TTC7A: variants seen among roughly 807,000 people sequenced by gnomAD.
The protein encoded by TTC7A is tetratricopeptide repeat protein 7A.
Under a neutral mutation model 103.7 loss-of-function variants are expected in TTC7A, and 110 were observed. The ratio of observed to expected loss-of-function variants is 1.06; its 90% CI spans 0.91 to 1.24. The LOEUF is 1.24. Ranked by LOEUF, TTC7A falls within the 50% of genes most tolerant of loss-of-function variation. The pLI is 0.00. For missense variants in TTC7A, 1,340 were observed against 1,116.3 expected, an observed-to-expected ratio of 1.20 and a Z score of -2.86; for synonymous variants, 521 against 467.9, an observed-to-expected ratio of 1.11 and a Z score of -1.47.
At chr2:46,965,235 CT>C (rs1487848076) in intron 3 of TTC7A, among the ~76,000 whole-genome samples, 3 of 152,226 alleles carry the variant, frequency 2.0e-5, no homozygotes, top group African/African-American at 7.2e-5. Context: ...CTGATTAAAA[CT>C]TTTTAAAAAG....
intron 18 of TTC7A, chr2:47,054,033 A>G (rs1001244676): frequency 2.3e-6 from 2 of 878,450 alleles, no homozygotes; most frequent in African/African-American, 3.6e-5. Flanking sequence ...GTCAAGAGAA[A>G]CACATGCCTT....
intron 3 of TTC7A, among the ~76,000 whole-genome samples, chr2:46,960,360 C>T (rs1392998080): frequency 2.0e-5 from 3 of 152,220 alleles, no homozygotes; most frequent in African/African-American, 7.2e-5. Flanking sequence ...TCTTCATTTC[C>T]CCAGTACCAA....
intron 17 of TTC7A, 45 bp from the exon 18 acceptor site, chr2:47,051,701 G>T: frequency 6.4e-7 from 1 of 1,573,692 alleles, no homozygotes; most frequent in Non-Finnish European, 8.6e-7. Flanking sequence ...CCTGCAACGT[G>T]TGGACCTCTG....
intron 5 of TTC7A, among the ~76,000 whole-genome samples, chr2:46,984,428 T>C (rs1317526225): frequency 6.6e-6 from 1 of 152,196 alleles, no homozygotes; most frequent in Non-Finnish European, 1.5e-5. Context: ...CTTTCTCCCC[T>C]CTAAGATGGG....
At chr2:47,069,456 G>T (rs1192860942) in intron 19 of TTC7A, among the ~76,000 whole-genome samples, 3 of 152,146 alleles carry the variant, frequency 2.0e-5, no homozygotes, top group Non-Finnish European at 4.4e-5. Context: ...TGTGAGTCTG[G>T]GCTCTTCTCA....
At chr2:47,009,509 C>T (rs149097634) in intron 10 of TTC7A, among the ~76,000 whole-genome samples, 203 of 152,270 alleles carry the variant, frequency 1.3e-3, no homozygotes, top group African/African-American at 4.5e-3. Flanking sequence ...AAATCTATCA[C>T]GTCTGGGTTG....
At chr2:47,049,893 G>T in intron 16 of TTC7A, 56 bp from the exon 17 acceptor site, 3 of 1,342,456 alleles carry the variant, frequency 2.2e-6, no homozygotes. Flanking sequence ...ACCTCACTGG[G>T]CCCTGTGATG....
rs148901183 is a variant in TTC7A, at chr2:46,929,707, T to C, written c.82+12430T>C. ...AAGATTGAAAATTAATGAGCTGAGA[T>C]TGAATTGCAAAAAGCCAGAAAAATA... On this transcript the variant is annotated intron_variant, in intron 2 of 20. Transcript: ENST00000409245. Among the ~76,000 whole-genome samples, 18 of 152,210 alleles carry C rather than the reference T, an allele frequency of 1.2e-4. No homozygotes were observed. The East Asian group carries it at 2.9e-3, about 24-fold the overall frequency.
At position 46,994,474 on chromosome 2, in the gene TTC7A, A is replaced by G; in HGVS notation, c.961A>G (p.Thr321Ala). 3 of 1,614,018 alleles carry G rather than the reference A, an allele frequency of 1.9e-6. No homozygotes were observed. The highest frequency in any genetic ancestry group is 2.5e-6 in the Non-Finnish European group (3 of 1,179,984). ...FMGKEESSFATQALRKPHLYE... is the reference protein window; with the variant it reads ...FMGKEESSFAAQALRKPHLYE... ...GGGCAAGGAGGAGAGTTCTTTCGCC[A>G]CTCAGGCCCTGCGGAAACCTCACCT... Residue 321 changes from threonine (T) to alanine (A), a missense_variant, in exon 7 of 20, where the codon ACT (threonine) becomes GCT (alanine). Thr to Ala is a moderately conservative substitution (Grantham distance 58, BLOSUM62 0). Transcript: ENST00000319190.
intron 11 of TTC7A, among the ~76,000 whole-genome samples, chr2:47,019,268 CA>C (rs1454452369): frequency 1.3e-5 from 2 of 151,912 alleles, no homozygotes; most frequent in Non-Finnish European, 2.9e-5. Flanking sequence ...TGTGTTGGGT[CA>C]CACCTGTAAT....
chr2:46,998,688 A>T (rs1271791309), intron 8 of TTC7A, among the ~76,000 whole-genome samples: 1 of 152,214 alleles, frequency 6.6e-6, no homozygotes, highest in Admixed American at 6.5e-5. Flanking sequence ...AGGAGGCATC[A>T]TCATCATTGC....
intron 19 of TTC7A, among the ~76,000 whole-genome samples, chr2:47,064,010 C>A (rs567885744): frequency 5.1e-4 from 78 of 152,332 alleles, no homozygotes; most frequent in African/African-American, 1.9e-3. Flanking sequence ...AGAGCAGATT[C>A]TCTACTCTCC....
intron 6 of TTC7A, among the ~76,000 whole-genome samples, 157 bp downstream of exon 6, chr2:46,993,685 G>A (rs1186208636): frequency 2.0e-5 from 3 of 152,122 alleles, no homozygotes. Context: ...CCTTTCCCAC[G>A]CAGCCAGGGA....
intron 1 of TTC7A, among the ~76,000 whole-genome samples, chr2:46,949,322 G>A (rs1024714691): frequency 1.2e-4 from 18 of 150,532 alleles, no homozygotes; most frequent in African/African-American, 3.2e-4. Context: ...TGCAACCTCC[G>A]TCTCCCGAAT....
intron 3 of TTC7A, among the ~76,000 whole-genome samples, chr2:46,963,154 A>G (rs1000601625): frequency 1.3e-5 from 2 of 152,196 alleles, no homozygotes; most frequent in African/African-American, 4.8e-5. Context: ...AGGCCTTTCC[A>G]GCCTTGTCTC....
chr2:46,931,036 T>G (rs574939151), intron 2 of TTC7A, among the ~76,000 whole-genome samples: 11 of 152,318 alleles, frequency 7.2e-5, no homozygotes, highest in African/African-American at 2.6e-4. Flanking sequence ...ACAAAACATT[T>G]TATTAGCAAT....
chr2:46,916,091 G>T (rs6544939), upstream of TTC7A: 140,187 of 985,400 alleles, frequency 0.14, 15,546 homozygotes, highest in African/African-American at 0.55. Flanking sequence ...TAGTTCCACG[G>T]GCGACGTAGG....
intron 19 of TTC7A, among the ~76,000 whole-genome samples, chr2:47,073,187 C>A (rs1400713624): frequency 2.0e-5 from 3 of 152,232 alleles, no homozygotes; most frequent in Non-Finnish European, 4.4e-5. Flanking sequence ...TCCTCCGTCT[C>A]TCTGCGTCCC....
chr2:47,052,911 G>GA (rs34265989), intron 18 of TTC7A, among the ~76,000 whole-genome samples: 1 of 152,144 alleles, frequency 6.6e-6, no homozygotes, highest in Non-Finnish European at 1.5e-5. Context: ...AGAAGAAACC[G>GA]AAAGTTGATG....
Sources: allele counts gnomAD v4.1 joint callset (sites outside exome capture counted in the v4.1 genomes callset), GRCh38; gene constraint gnomAD v4.1.1; transcripts MANE v1.5; gene names NCBI Gene and HGNC (gene_info 2026-07-23, HGNC 2026-07-21).